CAMKMT: variants seen among roughly 807,000 people sequenced by gnomAD.
The protein encoded by CAMKMT is CaM KMT.
A neutral mutation model predicts 48.0 loss-of-function variants in CAMKMT; 53 were observed. That is an observed-to-expected ratio of 1.10 (90% CI 0.89 to 1.39). The LOEUF (loss-of-function observed/expected upper bound fraction) is 1.39, where lower values mean the gene tolerates loss of function less well. Ranked by LOEUF, CAMKMT falls within the 40% of genes most tolerant of loss-of-function variation. The pLI is 0.00. For missense variants in CAMKMT, 428 were observed against 402.7 expected, an observed-to-expected ratio of 1.06 and a Z score of -0.54; for synonymous variants, 165 against 152.3, an observed-to-expected ratio of 1.08 and a Z score of -0.61.
chr2:44,681,602 C>T, intron 3 of CAMKMT, among the ~76,000 whole-genome samples: 1 of 149,330 alleles, frequency 6.7e-6, no homozygotes, highest in Non-Finnish European at 1.5e-5. Context: ...AAGGTCCTTT[C>T]TTTAGCCAGT....
chr2:44,467,823 C>T (rs1290759450), intron 3 of CAMKMT, among the ~76,000 whole-genome samples: 2 of 152,072 alleles, frequency 1.3e-5, no homozygotes, highest in African/African-American at 4.8e-5. Flanking sequence ...TGAAACTAGA[C>T]TCCTAGTTCT....
At chr2:44,478,996 G>C (rs1192339646) in intron 3 of CAMKMT, among the ~76,000 whole-genome samples, 9 of 152,128 alleles carry the variant, frequency 5.9e-5, no homozygotes, top group Admixed American at 5.9e-4. Context: ...ACCGCGCCCG[G>C]CAATTGCTTT....
intron 3 of CAMKMT, among the ~76,000 whole-genome samples, chr2:44,661,310 CTT>C (rs764984677): frequency 3.4e-5 from 3 of 89,180 alleles, no homozygotes; most frequent in East Asian, 2.9e-4. Flanking sequence ...TGTGAGCAGC[CTT>C]TTTTTTTTTT....
chr2:44,649,202 T>G (rs1458783249), intron 3 of CAMKMT, among the ~76,000 whole-genome samples: 1 of 152,132 alleles, frequency 6.6e-6, no homozygotes, highest in Non-Finnish European at 1.5e-5. Context: ...ACACTCTTGT[T>G]GCTCTTGGAT....
chr2:44,456,476 T>C, intron 3 of CAMKMT: 7 of 1,461,834 alleles, frequency 4.8e-6, no homozygotes, highest in Non-Finnish European at 6.5e-6. Flanking sequence ...ATGTACATTC[T>C]TGTGAAAGAA....
chr2:44,483,421 A>G (rs1475315261), intron 3 of CAMKMT, among the ~76,000 whole-genome samples: 1 of 152,170 alleles, frequency 6.6e-6, no homozygotes, highest in Non-Finnish European at 1.5e-5. Context: ...TATTAGCCTT[A>G]AAGATGTTAT....
intron 10 of CAMKMT, among the ~76,000 whole-genome samples, chr2:44,768,987 G>A (rs561363004): frequency 6.6e-6 from 1 of 152,220 alleles, no homozygotes; most frequent in East Asian, 1.9e-4. Context: ...ACAAATGGTC[G>A]TGAAGAGATT....
rs370751544 is a variant in CAMKMT, at chr2:44,587,538, C to T, written c.377-116745C>T. On this transcript the variant is annotated intron_variant, in intron 3 of 10. Transcript: ENST00000378494. ...CCTCTGATGCCGAGCCAAAGCTGGA[C>T]GGTACTGCTGCCATCTCGGCTCACT... Among the ~76,000 whole-genome samples the T allele has an allele frequency of 3.7e-4, 53 of 142,360 alleles. No individual in the cohort carries two copies. The East Asian group carries it at 7.1e-3, about 19-fold the overall frequency. The allele number at this position is 142,360 out of a possible 152,430, so 93.4% of individuals were successfully genotyped here. A position where few individuals can be genotyped will look rare whatever the true frequency, so the allele number is the denominator to read the frequency against.
At chr2:44,708,747 C>T (rs889916239) in intron 6 of CAMKMT, among the ~76,000 whole-genome samples, 2 of 152,122 alleles carry the variant, frequency 1.3e-5, no homozygotes, top group East Asian at 3.9e-4. Flanking sequence ...CTGTGCTCCT[C>T]CTCCTTATGT....
intron 3 of CAMKMT, among the ~76,000 whole-genome samples, chr2:44,681,244 G>C (rs555249929): frequency 6.6e-6 from 1 of 152,108 alleles, no homozygotes; most frequent in Non-Finnish European, 1.5e-5. Flanking sequence ...GTTGACATCT[G>C]TTTCTAAGAC....
rs573516511 is a variant in CAMKMT, at chr2:44,656,638, A to G, written c.377-47645A>G. ...CTATGACAGTCGCTCTGTTTCACTG[A>G]GCACGCTGAAACCCATTGTGCCCTC... On this transcript the variant is annotated intron_variant, in intron 3 of 10. Coordinates refer to ENST00000378494, the MANE Select transcript of CAMKMT (RefSeq NM_024766.5). 2.6e-5 allele frequency among the ~76,000 whole-genome samples: 4 copies of G among 152,188 alleles called. No individual in the cohort carries two copies. In the East Asian group the frequency reaches 7.7e-4, roughly 29 times the overall value.
At chr2:44,604,324 A>G (rs1187553554) in intron 3 of CAMKMT, among the ~76,000 whole-genome samples, 1 of 152,320 alleles carries the variant, frequency 6.6e-6, no homozygotes, top group Admixed American at 6.5e-5. Flanking sequence ...TACTGAGTTC[A>G]TAACTAAGAT....
At chr2:44,681,163 T>C (rs1675999854) in intron 3 of CAMKMT, among the ~76,000 whole-genome samples, 4 of 152,190 alleles carry the variant, frequency 2.6e-5, no homozygotes, top group Admixed American at 2.6e-4. Flanking sequence ...GCAGGCTACT[T>C]TCTGAAGGCC....
chr2:44,502,250 A>C (rs964749548), intron 3 of CAMKMT, among the ~76,000 whole-genome samples: 1 of 151,218 alleles, frequency 6.6e-6, no homozygotes, highest in African/African-American at 2.4e-5. Context: ...GAATAAATAT[A>C]CATTTATCTT....
At position 44,720,360 on chromosome 2, in the gene CAMKMT, T is replaced by C. The variant is rs1044418256; in HGVS notation, c.623+5007T>C. 2.6e-5 allele frequency among the ~76,000 whole-genome samples: 4 copies of C among 152,312 alleles called. No homozygotes were observed. In the East Asian group the frequency reaches 7.7e-4, roughly 29 times the overall value. The stretch of plus-strand genomic sequence containing the variant: ...TCACTACCAAAAATAGGCCAGGTGC[T>C]GTATTGATAGCTAGGTATGCAAGTC... On this transcript the variant is annotated intron_variant, in intron 7 of 10. Transcript: ENST00000378494.
At chr2:44,721,916 C>T (rs1558817843) in intron 7 of CAMKMT, among the ~76,000 whole-genome samples, 1 of 152,180 alleles carries the variant, frequency 6.6e-6, no homozygotes. Flanking sequence ...TCCCTCCTCC[C>T]TTCCAGGGCT....
At chr2:44,476,847 C>G (rs1196521716) in intron 3 of CAMKMT, among the ~76,000 whole-genome samples, 1 of 152,102 alleles carries the variant, frequency 6.6e-6, no homozygotes, top group East Asian at 1.9e-4. Context: ...GATAATAACT[C>G]AAAGGATTGG....
intron 7 of CAMKMT, among the ~76,000 whole-genome samples, chr2:44,721,735 C>T (rs1678470298): frequency 6.6e-6 from 1 of 152,100 alleles, no homozygotes; most frequent in African/African-American, 2.4e-5. Flanking sequence ...TTTGGGGTGC[C>T]GAGGTGGGAG....
intron 3 of CAMKMT, among the ~76,000 whole-genome samples, chr2:44,513,214 C>G (rs1020927883): frequency 6.6e-5 from 10 of 152,002 alleles, no homozygotes; most frequent in African/African-American, 2.4e-4. Context: ...ACTGACAGGC[C>G]CCTTCCTGCA....
Sources: allele counts gnomAD v4.1 joint callset (sites outside exome capture counted in the v4.1 genomes callset), GRCh38; gene constraint gnomAD v4.1.1; transcripts MANE v1.5; gene names NCBI Gene and HGNC (gene_info 2026-07-23, HGNC 2026-07-21).